PCLO: variants seen among roughly 807,000 people sequenced by gnomAD.
PCLO encodes the protein piccolo presynaptic cytomatrix protein.
In PCLO, 82 loss-of-function variants were observed where a neutral mutation model predicts 427.5. The observed-to-expected ratio is 0.19, with a 90% confidence interval of 0.16 to 0.23. PCLO has a LOEUF of 0.23. Among genes scored for constraint, PCLO ranks in the 10% least tolerant of loss-of-function variants. The pLI is 1.00. For synonymous variants in PCLO, 2,357 were observed against 2,155.4 expected (o/e 1.09, Z -2.59); for missense variants, 6,239 against 6,115.9 (o/e 1.02, Z -0.67).
chr7:83,141,609 T>C (rs1365742523), intron 2 of PCLO, among the ~76,000 whole-genome samples: 1 of 152,224 alleles, frequency 6.6e-6, no homozygotes. Context: ...GATTTGCATA[T>C]AATTCCAACA....
rs1790319681 is a variant in PCLO, at chr7:82,756,435, A to G, written c.*2140T>C. On this transcript the variant is annotated 3_prime_UTR_variant, in exon 25 of 25. Transcript: ENST00000333891. ...TCATTTGAGAGCAATGTCAATGGTA[A>G]ATGACATTGTATTGTCAGTGGAGGG... 1 of 152,020 alleles carries G rather than the reference A, an allele frequency of 6.6e-6. No individual in the cohort carries two copies. Among genetic ancestry groups the G allele is most frequent in the Admixed American group, 6.6e-5 (1 of 15,220 alleles). 9.4% of individuals were successfully genotyped at this position (152,020 alleles called of 1,614,324 possible).
chr7:82,887,214 T>C (rs6965423), intron 9 of PCLO, among the ~76,000 whole-genome samples: 88,829 of 152,018 alleles, frequency 0.58, 27,127 homozygotes, highest in East Asian at 0.82. Flanking sequence ...AGAAACTTGC[T>C]GTAGGATGTC....
At chr7:82,967,341 A>T (rs1795802855) in intron 3 of PCLO, among the ~76,000 whole-genome samples, 1 of 151,490 alleles carries the variant, frequency 6.6e-6, no homozygotes, top group African/African-American at 2.4e-5. Flanking sequence ...ATGCCCGGCT[A>T]ATTTTTTATT....
chr7:82,995,166 T>A (rs1287714572), intron 3 of PCLO, among the ~76,000 whole-genome samples: 1 of 151,998 alleles, frequency 6.6e-6, no homozygotes, highest in Non-Finnish European at 1.5e-5. Flanking sequence ...ATGAACTCTT[T>A]GGGAAAAGAT....
chr7:82,854,218 T>C (rs1584052704), intron 10 of PCLO, among the ~76,000 whole-genome samples: 1 of 152,114 alleles, frequency 6.6e-6, no homozygotes, highest in Non-Finnish European at 1.5e-5. Context: ...GTTTCTTTTC[T>C]CTCGGCATTG....
intron 3 of PCLO, among the ~76,000 whole-genome samples, chr7:82,993,856 A>G (rs1583882202): frequency 1.3e-5 from 2 of 152,180 alleles, no homozygotes; most frequent in East Asian, 3.9e-4. Context: ...CTTTTCACTC[A>G]TTCAAGGACA....
In PCLO at chr7:82,950,501, C is replaced by T. The variant is rs1410547504; in HGVS notation, c.10087G>A (p.Val3363Met). 3.7e-6 allele frequency: 6 copies of T among 1,613,844 alleles called. No individual in the cohort carries two copies. The highest frequency in any genetic ancestry group is 5.1e-6 in the Non-Finnish European group (6 of 1,179,850). Residue 3363 changes from valine to methionine, a missense_variant, in exon 6 of 25, where the codon GTG becomes ATG. By Grantham distance (21) the Val-to-Met change is conservative. This residue lies in a region of PCLO where 4,677 missense variants were observed against 4,468.4 expected (regional missense o/e 1.05). Coordinates refer to ENST00000333891, the MANE Select transcript of PCLO (RefSeq NM_033026.6). ...EDATTTASAV[V>M]AIEIPQSQGW... ...TGGCTTTGTGGTATTTCAATTGCCACAACAGCTGAAGCTGTGGTGGTTGCA... is the reference window on the plus strand; with the variant it reads ...TGGCTTTGTGGTATTTCAATTGCCATAACAGCTGAAGCTGTGGTGGTTGCA...
At chr7:83,119,178 G>A (rs1352588284) in intron 3 of PCLO, among the ~76,000 whole-genome samples, 2 of 152,144 alleles carry the variant, frequency 1.3e-5, no homozygotes, top group Admixed American at 1.3e-4. Context: ...GTCAGTGGTA[G>A]CCAGGCAATA....
chr7:83,140,063 C>G (rs1264254905), intron 2 of PCLO, among the ~76,000 whole-genome samples: 2 of 152,206 alleles, frequency 1.3e-5, no homozygotes, highest in African/African-American at 4.8e-5. Flanking sequence ...ATTAACGTCA[C>G]AAACCATCTT....
intron 22 of PCLO, among the ~76,000 whole-genome samples, chr7:82,767,976 C>CA (rs1438535007): frequency 6.7e-6 from 1 of 148,842 alleles, no homozygotes; most frequent in Admixed American, 6.7e-5. Flanking sequence ...GAAAGAAAAG[C>CA]AAAAAGGAGG....
intron 6 of PCLO, among the ~76,000 whole-genome samples, chr7:82,931,646 T>C (rs1794842846): frequency 6.6e-6 from 1 of 152,156 alleles, no homozygotes. Flanking sequence ...ACTTTCTATG[T>C]GGACCTTTGT....
At chr7:83,003,282 T>A (rs1020348085) in intron 3 of PCLO, among the ~76,000 whole-genome samples, 8 of 151,700 alleles carry the variant, frequency 5.3e-5, no homozygotes, top group African/African-American at 1.9e-4. Flanking sequence ...CAAATAAAGT[T>A]TTTATAAAAT....
At chr7:83,126,801 TATG>T (rs1584058917) in intron 3 of PCLO, among the ~76,000 whole-genome samples, 1 of 152,110 alleles carries the variant, frequency 6.6e-6, no homozygotes, top group Non-Finnish European at 1.5e-5. Flanking sequence ...TAAAAACTTA[TATG>T]ATGTTTACCC....
intron 18 of PCLO, among the ~76,000 whole-genome samples, chr7:82,825,954 A>T (rs1791932718): frequency 6.7e-6 from 1 of 149,346 alleles, no homozygotes; most frequent in African/African-American, 2.4e-5. Context: ...AACAATGTAT[A>T]TATATAATAG....
chr7:82,975,593 C>A (rs372527320), intron 3 of PCLO, among the ~76,000 whole-genome samples: 14 of 152,128 alleles, frequency 9.2e-5, no homozygotes, highest in African/African-American at 3.4e-4. Context: ...ATCAGTATAT[C>A]GATTCTGCAG....
intron 22 of PCLO, among the ~76,000 whole-genome samples, chr7:82,768,770 C>A (rs1394233780): frequency 1.3e-5 from 2 of 151,968 alleles, no homozygotes; most frequent in African/African-American, 4.8e-5. Flanking sequence ...GGCCTTCTCA[C>A]TTTTGAATTT....
rs1343794937 is a variant in PCLO at position 82,964,145 on chromosome 7, G to C, written c.4017+1626C>G. 2.0e-5 allele frequency among the ~76,000 whole-genome samples: 3 copies of C among 150,540 alleles called. No individual in the cohort carries two copies. The East Asian group carries it at 5.8e-4, about 29-fold the overall frequency. On this transcript the variant is annotated intron_variant, in intron 4 of 24. Coordinates refer to ENST00000333891, the MANE Select transcript of PCLO (RefSeq NM_033026.6). ...TAGATTGCTCAAATAATTGGCAAAA[G>C]GTCATGAAAGCAGTAAGTAAGGTAG...
intron 2 of PCLO, among the ~76,000 whole-genome samples, chr7:83,140,233 C>T (rs1299931879): frequency 6.6e-6 from 1 of 152,158 alleles, no homozygotes; most frequent in Non-Finnish European, 1.5e-5. Context: ...TGTTCTCTCA[C>T]ATTTCCAAAG....
intron 22 of PCLO, among the ~76,000 whole-genome samples, chr7:82,791,765 T>C (rs1434602622): frequency 6.6e-6 from 1 of 152,104 alleles, no homozygotes; most frequent in Non-Finnish European, 1.5e-5. Context: ...CCAGTTTTAC[T>C]TTTTTACTTA....
Sources: gnomAD v4.1 joint callset for allele counts (sites outside exome capture counted in the v4.1 genomes callset) on GRCh38, gnomAD v4.1.1 for gene constraint, gnomAD v4.1.1 regional missense constraint, MANE v1.5 for transcripts, NCBI Gene and HGNC (gene_info 2026-07-23, HGNC 2026-07-21) for gene names.